The following QTGAL variants were observed in gnomAD, a reference collection of about 807,000 sequenced individuals.
QTGAL encodes the protein queuosine-tRNA galactosyltransferase, also known as BGnT-like protein 1.
chr17:82,970,877 A>C, the QTGAL span, among the ~76,000 whole-genome samples: 4 of 152,220 alleles, frequency 2.6e-5, no homozygotes, highest in African/African-American at 9.6e-5. Context: ...AAGACCGGGC[A>C]GCTGCCTTTG....
At chr17:83,028,839 C>T in the QTGAL span, among the ~76,000 whole-genome samples, 2 of 152,170 alleles carry the variant, frequency 1.3e-5, no homozygotes, top group African/African-American at 2.4e-5. Flanking sequence ...TCTAGTAACC[C>T]GAACTGGAAA....
the QTGAL span, among the ~76,000 whole-genome samples, chr17:83,022,003 A>G: frequency 8.5e-5 from 13 of 152,342 alleles, 1 homozygote; most frequent in South Asian, 1.5e-3. Flanking sequence ...TCCAGGAAAA[A>G]GAATCCTCAG....
chr17:82,965,623 G>T, the QTGAL span: 2 of 1,564,662 alleles, frequency 1.3e-6, no homozygotes, highest in South Asian at 2.3e-5. Context: ...CCTGGGGGAG[G>T]GACCTGATTC....
the QTGAL span, chr17:83,048,621 C>T: frequency 4.4e-6 from 7 of 1,605,372 alleles, no homozygotes; most frequent in Middle Eastern, 1.7e-4. Context: ...AACAGTCAAC[C>T]GTTGCTTACA....
the QTGAL span, among the ~76,000 whole-genome samples, chr17:83,024,491 A>T: frequency 6.6e-6 from 1 of 152,228 alleles, no homozygotes; most frequent in Non-Finnish European, 1.5e-5. Context: ...TCCAGTCTCC[A>T]AGTGAGGTGG....
the QTGAL span, among the ~76,000 whole-genome samples, chr17:83,007,865 A>T: frequency 6.6e-6 from 1 of 152,170 alleles, no homozygotes; most frequent in Admixed American, 6.5e-5. Context: ...TAAACGGAGG[A>T]GGTGAGAGGA....
At chr17:83,025,983 A>G in the QTGAL span, among the ~76,000 whole-genome samples, 2 of 152,260 alleles carry the variant, frequency 1.3e-5, no homozygotes, top group Non-Finnish European at 2.9e-5. Flanking sequence ...AGTTCTTTGC[A>G]GTATCCTTGA....
the QTGAL span, among the ~76,000 whole-genome samples, chr17:83,032,558 C>T: frequency 1.3e-5 from 2 of 151,728 alleles, no homozygotes; most frequent in African/African-American, 2.4e-5. Flanking sequence ...CTCAGGGGCC[C>T]AGCACACCCT....
the QTGAL span, among the ~76,000 whole-genome samples, chr17:83,029,897 G>C: frequency 9.9e-5 from 15 of 152,270 alleles, no homozygotes; most frequent in African/African-American, 3.4e-4. Flanking sequence ...TGACGCGCCC[G>C]TTGCTTTCTT....
the QTGAL span, chr17:82,956,603 G>A: frequency 7.4e-7 from 1 of 1,355,152 alleles, no homozygotes; most frequent in African/African-American, 1.5e-5. The surrounding 1 kb of genome is among the most constrained non-coding windows in gnomAD (Gnocchi z 5.7). Flanking sequence ...TCTCATCCCA[G>A]GCCACACAGT....
At chr17:82,956,167 A>T in the QTGAL span, among the ~76,000 whole-genome samples, 112 of 147,244 alleles carry the variant, frequency 7.6e-4, 1 homozygote, top group East Asian at 5.0e-3. The surrounding 1 kb of genome is among the most constrained non-coding windows in gnomAD (Gnocchi z 5.7). Flanking sequence ...AAGTAAAATT[A>T]AAAAAAAAAA....
chr17:83,034,208 G>C, the QTGAL span, among the ~76,000 whole-genome samples: 1 of 152,140 alleles, frequency 6.6e-6, no homozygotes, highest in East Asian at 1.9e-4. Context: ...CCAAAGTGCT[G>C]GGATTACAGG....
chr17:83,051,059 A>G, the QTGAL span, among the ~76,000 whole-genome samples: 3 of 142,984 alleles, frequency 2.1e-5, no homozygotes, highest in African/African-American at 8.0e-5. Flanking sequence ...AGGTGTGCAG[A>G]CCAGGTGTGT....
At chr17:82,982,088 C>T in the QTGAL span, among the ~76,000 whole-genome samples, 2 of 146,656 alleles carry the variant, frequency 1.4e-5, no homozygotes, top group Non-Finnish European at 3.0e-5. Context: ...ATCCTTCTCA[C>T]CTCCATGGTG....
At chr17:82,961,639 G>A in the QTGAL span, among the ~76,000 whole-genome samples, 7 of 152,234 alleles carry the variant, frequency 4.6e-5, no homozygotes, top group Non-Finnish European at 7.3e-5. Context: ...CTGGGTGGGC[G>A]TGTGGGGCTG....
the QTGAL span, among the ~76,000 whole-genome samples, chr17:82,959,362 C>CATGT: frequency 6.6e-6 from 1 of 151,432 alleles, no homozygotes; most frequent in African/African-American, 2.4e-5. Flanking sequence ...TGTGTGTGCA[C>CATGT]GTGAGTGCGT....
chr17:82,983,655 C>A, the QTGAL span, among the ~76,000 whole-genome samples: 76 of 152,316 alleles, frequency 5.0e-4, 1 homozygote, highest in Admixed American at 4.9e-3. Context: ...ATGGGCGCCG[C>A]CAGGAACAGT....
chr17:82,960,939 C>A, the QTGAL span: 1 of 1,402,774 alleles, frequency 7.1e-7, no homozygotes, highest in Non-Finnish European at 9.5e-7. Context: ...CCCTGGGTCT[C>A]AAGGCAGAGC....
the QTGAL span, among the ~76,000 whole-genome samples, chr17:82,957,904 G>A: frequency 6.6e-6 from 1 of 152,106 alleles, no homozygotes; most frequent in Non-Finnish European, 1.5e-5. Flanking sequence ...TCTGCCTCAG[G>A]GTCGCTGCCC....
Sources: allele counts gnomAD v4.1 joint callset (sites outside exome capture counted in the v4.1 genomes callset), GRCh38; gene constraint gnomAD v4.1.1; non-coding constraint Gnocchi (gnomAD v3.1); transcripts MANE v1.5; gene names NCBI Gene and HGNC (gene_info 2026-07-23, HGNC 2026-07-21).